The following CFAP47 variants were observed in gnomAD, a reference collection of about 807,000 sequenced individuals.
The protein encoded by CFAP47 is cilia- and flagella-associated protein 47.
CFAP47 carries 29 observed loss-of-function variants against 148.1 expected under a neutral mutation model. The observed-to-expected ratio is 0.20, with a 90% CI of 0.15 to 0.27. The LOEUF is 0.27. Ranked by LOEUF, CFAP47 falls within the 10% of genes least tolerant of loss-of-function variation. The pLI is 1.00. For synonymous variants in CFAP47, 664 were observed against 577.3 expected (o/e 1.15, Z -2.15); for missense variants, 1,872 against 1,697.5 (o/e 1.10, Z -1.81).
chrX:35,964,148 T>G (rs915227630), intron 8 of CFAP47, among the ~76,000 whole-genome samples: 1 of 111,788 alleles, frequency 8.9e-6, no homozygotes, highest in Non-Finnish European at 1.9e-5. Flanking sequence ...GTGATGAAAA[T>G]GTACTAATGA....
intron 2 of CFAP47, among the ~76,000 whole-genome samples, chrX:35,937,133 T>TC (rs1645873029): frequency 1.1e-5 from 1 of 89,086 alleles, no homozygotes; most frequent in African/African-American, 4.3e-5. Context: ...TTTTTTTTTT[T>TC]CCTGGTTTCC....
chrX:36,236,171 AC>A (rs1940462782), intron 47 of CFAP47, 94 bp downstream of exon 47: 1 of 338,750 alleles, frequency 3.0e-6, no homozygotes, highest in African/African-American at 2.7e-5. Flanking sequence ...TGATAGTACA[AC>A]TGTTTAGTAG....
At chrX:35,924,387 A>G (rs1049760006) in intron 1 of CFAP47, among the ~76,000 whole-genome samples, 1 of 105,402 alleles carries the variant, frequency 9.5e-6, no homozygotes, top group Non-Finnish European at 1.9e-5. Context: ...ATGCACACAT[A>G]TGTGTATATA....
intron 33 of CFAP47, among the ~76,000 whole-genome samples, chrX:36,112,272 G>A (rs1198435167): frequency 1.2e-4 from 13 of 111,467 alleles, no homozygotes; most frequent in African/African-American, 4.2e-4. Flanking sequence ...CATTGCCTTA[G>A]ATGTTTCCCA....
intron 26 of CFAP47, among the ~76,000 whole-genome samples, chrX:36,062,520 A>G (rs1484270109): frequency 8.9e-6 from 1 of 111,803 alleles, no homozygotes; most frequent in African/African-American, 3.2e-5. Context: ...GACTTTTCAC[A>G]CCTTATTTAA....
At chrX:36,181,096 T>A (rs1054397736) in intron 40 of CFAP47, among the ~76,000 whole-genome samples, 1 of 112,107 alleles carries the variant, frequency 8.9e-6, no homozygotes, top group Non-Finnish European at 1.9e-5. Flanking sequence ...GTGTAAAATT[T>A]ATAGTATATG....
Position 36,014,758 on chromosome X carries a change from AT to A in CFAP47, c.3418-8del, listed in dbSNP as rs911316798. On this transcript the variant is annotated splice_polypyrimidine_tract_variant and intron_variant, in intron 21 of 63. Transcript: ENST00000378653. ...AAGCAAAAATTAACAAGTATAATGT[AT>A]TTTTTTTGTATCAGGTGACAGTAGT... 135 of 288,052 alleles carry A rather than the reference AT, an allele frequency of 4.7e-4. No homozygotes were observed. The highest frequency in any genetic ancestry group is 3.2e-3 in the African/African-American group (116 of 36,004). The allele number at this position is 288,052 out of a possible 1,213,427, so 23.7% of individuals were successfully genotyped here.
chrX:36,173,769 A>C (rs1426936175), intron 39 of CFAP47, among the ~76,000 whole-genome samples: 1 of 111,709 alleles, frequency 9.0e-6, no homozygotes, highest in East Asian at 2.8e-4. Flanking sequence ...AAAAAAATGT[A>C]TATTCTGTTG....
chrX:36,003,893 A>C (rs1290840836), intron 21 of CFAP47, among the ~76,000 whole-genome samples: 1 of 110,393 alleles, frequency 9.1e-6, no homozygotes, highest in African/African-American at 3.3e-5. Flanking sequence ...AAAGCTCCTT[A>C]AGCTGATAAA....
rs368938445 is a variant in CFAP47 at position 36,249,072 on chromosome X, T to C, written c.7333-2261T>C. Among the ~76,000 whole-genome samples, 7 of 108,348 alleles carry C rather than the reference T, an allele frequency of 6.5e-5. No individual in the cohort carries two copies. The East Asian group carries it at 1.2e-3, about 18-fold the overall frequency. 94.1% of individuals were successfully genotyped at this position (108,348 alleles called of 115,157 possible). A position where few individuals can be genotyped will look rare whatever the true frequency, so the allele number is the denominator to read the frequency against. On this transcript the variant is annotated intron_variant, in intron 48 of 63. Coordinates refer to ENST00000378653, the MANE Select transcript of CFAP47 (RefSeq NM_001304548.2). ...GGAAATTTGTAGATGTGCATACCTG[T>C]AGTAAAAAAAGAAGAAAGATGTTAA...
At chrX:36,126,329 G>A (rs1363187960) in intron 33 of CFAP47, among the ~76,000 whole-genome samples, 1 of 110,830 alleles carries the variant, frequency 9.0e-6, no homozygotes, top group Admixed American at 9.7e-5. Flanking sequence ...TCCCACTTAT[G>A]TGTGAGAACA....
At chrX:36,276,678 G>A (rs948373033) in intron 49 of CFAP47, among the ~76,000 whole-genome samples, 1 of 111,287 alleles carries the variant, frequency 9.0e-6, no homozygotes, top group African/African-American at 3.3e-5. Context: ...TTAGAACTAA[G>A]CCTAGAATAA....
chrX:36,226,234 C>T (rs1243368622), intron 45 of CFAP47, among the ~76,000 whole-genome samples: 2 of 111,559 alleles, frequency 1.8e-5, no homozygotes, highest in African/African-American at 6.5e-5. Context: ...TAAATCCATG[C>T]CCTTTAAGGC....
intron 49 of CFAP47, among the ~76,000 whole-genome samples, chrX:36,264,111 G>C (rs1365993370): frequency 9.0e-6 from 1 of 111,663 alleles, no homozygotes; most frequent in Non-Finnish European, 1.9e-5. Context: ...TGCTTATCCT[G>C]CTGTGGCTGA....
At chrX:36,047,181 A>G in intron 26 of CFAP47, 118 bp downstream of exon 26, 2 of 534,412 alleles carry the variant, frequency 3.7e-6, no homozygotes, top group East Asian at 3.8e-5. Flanking sequence ...CTTGGACATA[A>G]AGATTATTTC....
chrX:35,924,249 A>G (rs1363551378), intron 1 of CFAP47, among the ~76,000 whole-genome samples: 1 of 66,980 alleles, frequency 1.5e-5, no homozygotes, highest in Non-Finnish European at 2.4e-5. Flanking sequence ...GTATGTGTGC[A>G]TATGGACATG....
In CFAP47 at chrX:36,280,684, A is replaced by T. The variant is rs1238306542; in HGVS notation, c.7588+54A>T. On this transcript the variant is annotated intron_variant, in intron 50 of 63. Transcript: ENST00000378653. Reference sequence around the variant, plus strand: ...TTAGTTTGCATAAATCCAAATCATCATTCACTTTTGAATGAAATAGATAGT... The same window carrying T: ...TTAGTTTGCATAAATCCAAATCATCTTTCACTTTTGAATGAAATAGATAGT... The T allele has an allele frequency of 1.6e-5, 7 of 424,470 alleles. No individual in the cohort carries two copies. The East Asian group carries it at 2.8e-4, about 17-fold the overall frequency. 35.0% of individuals were successfully genotyped at this position (424,470 alleles called of 1,213,427 possible).
Position 35,997,517 on chromosome X carries a change from C to T in CFAP47, c.3177+128C>T, listed in dbSNP as rs1392317854. 1.2e-4 allele frequency: 29 copies of T among 238,027 alleles called. No individual in the cohort carries two copies. In the Admixed American group the frequency reaches 1.8e-3, roughly 15 times the overall value. 19.6% of individuals were successfully genotyped at this position (238,027 alleles called of 1,213,427 possible). ...TATAATTTTTAAAAATTACTATATACAAAGTTAAAAATTAATAAAAATTAA... is the reference window on the plus strand; with the variant it reads ...TATAATTTTTAAAAATTACTATATATAAAGTTAAAAATTAATAAAAATTAA... On this transcript the variant is annotated intron_variant, in intron 19 of 63. Coordinates refer to ENST00000378653, the MANE Select transcript of CFAP47 (RefSeq NM_001304548.2).
intron 45 of CFAP47, among the ~76,000 whole-genome samples, chrX:36,209,318 A>G (rs1348769160): frequency 9.0e-6 from 1 of 111,496 alleles, no homozygotes; most frequent in Non-Finnish European, 1.9e-5. Context: ...CAAATTTAAA[A>G]TTGAATTTCT....
Sources: gnomAD v4.1 joint callset for allele counts (sites outside exome capture counted in the v4.1 genomes callset) on GRCh38, gnomAD v4.1.1 for gene constraint, MANE v1.5 for transcripts, NCBI Gene and HGNC (gene_info 2026-07-23, HGNC 2026-07-21) for gene names.